GFRAL: variants seen among roughly 807,000 people sequenced by gnomAD.
The protein encoded by GFRAL is GDNF family receptor alpha like.
A neutral mutation model predicts 45.4 loss-of-function variants in GFRAL; 36 were observed. The observed-to-expected ratio is 0.79, with a 90% CI of 0.61 to 1.05. GFRAL has a LOEUF of 1.05. Ranked by LOEUF, GFRAL falls within the 50% of genes least tolerant of loss-of-function variation. The pLI is 0.00. For synonymous variants in GFRAL, 166 were observed against 154.1 expected (o/e 1.08, Z -0.57); for missense variants, 507 against 467.5 (o/e 1.08, Z -0.78).
intron 6 of GFRAL, among the ~76,000 whole-genome samples, chr6:55,366,269 A>G (rs1232839719): frequency 1.3e-5 from 2 of 151,846 alleles, no homozygotes; most frequent in South Asian, 2.1e-4. Flanking sequence ...TTGTATTTCT[A>G]TGGGATCGGT....
At chr6:55,374,965 C>A (rs1047665846) in intron 6 of GFRAL, among the ~76,000 whole-genome samples, 1 of 152,070 alleles carries the variant, frequency 6.6e-6, no homozygotes, top group Non-Finnish European at 1.5e-5. Context: ...GCTCTCTATT[C>A]TCTTCTGTGT....
chr6:55,327,677 G>C (rs1189560588), intron 1 of GFRAL, 101 bp downstream of exon 1: 3 of 1,065,736 alleles, frequency 2.8e-6, no homozygotes, highest in Non-Finnish European at 4.2e-6. Flanking sequence ...CTTATAATAT[G>C]AAGTACCAAG....
chr6:55,383,254 C>T (rs1450755818), intron 6 of GFRAL, among the ~76,000 whole-genome samples: 4 of 149,380 alleles, frequency 2.7e-5, no homozygotes, highest in Non-Finnish European at 2.9e-5. Flanking sequence ...ATAGCAATTA[C>T]CTCTAAGGAT....
At chr6:55,376,233 T>A (rs951807280) in intron 6 of GFRAL, among the ~76,000 whole-genome samples, 5 of 152,254 alleles carry the variant, frequency 3.3e-5, no homozygotes, top group African/African-American at 1.2e-4. Context: ...GGATAAGATT[T>A]TTTTTGTGCT....
intron 6 of GFRAL, among the ~76,000 whole-genome samples, chr6:55,368,315 G>T (rs1220207761): frequency 6.7e-6 from 1 of 148,288 alleles, no homozygotes; most frequent in Non-Finnish European, 1.5e-5. Context: ...GCACTTCTCT[G>T]TATTGGTTAT....
chr6:55,366,355 T>C (rs368890561), intron 6 of GFRAL, among the ~76,000 whole-genome samples: 26,048 of 147,296 alleles, frequency 0.18, 2,638 homozygotes, highest in African/African-American at 0.28. Context: ...GTCTTGCTAG[T>C]GGTCTATCAA....
chr6:55,345,913 T>G (rs1264704234), intron 3 of GFRAL, among the ~76,000 whole-genome samples: 1 of 152,116 alleles, frequency 6.6e-6, no homozygotes, highest in Admixed American at 6.5e-5. Flanking sequence ...AAGAAGACAT[T>G]TATGCAGCCA....
At chr6:55,349,711 G>A (rs77773111) in intron 3 of GFRAL, among the ~76,000 whole-genome samples, 9,426 of 151,616 alleles carry the variant, frequency 0.062, 331 homozygotes, top group South Asian at 0.17. Context: ...CTTCTGAGAA[G>A]GGTTTTTATG....
chr6:55,350,036 CT>C, intron 3 of GFRAL, 55 bp from the exon 4 acceptor site: 1 of 1,070,524 alleles, frequency 9.3e-7, no homozygotes, highest in Non-Finnish European at 1.4e-6. Flanking sequence ...CCACGTTTTC[CT>C]AGGAAATTCA....
At chr6:55,340,816 C>T (rs1432735730) in intron 3 of GFRAL, among the ~76,000 whole-genome samples, 2 of 152,202 alleles carry the variant, frequency 1.3e-5, no homozygotes, top group East Asian at 3.9e-4. Context: ...AATCGGGTCA[C>T]TCTCACCCTA....
chr6:55,346,308 T>C (rs1010243007), intron 3 of GFRAL, among the ~76,000 whole-genome samples: 5 of 152,120 alleles, frequency 3.3e-5, no homozygotes, highest in Admixed American at 6.5e-5. Flanking sequence ...CCATCAATGA[T>C]AGACTTGATT....
chr6:55,372,955 T>C (rs1046753094), intron 6 of GFRAL, among the ~76,000 whole-genome samples: 7 of 152,050 alleles, frequency 4.6e-5, no homozygotes, highest in African/African-American at 7.2e-5. Flanking sequence ...TTAAAAGATG[T>C]GCAAGCTAAA....
At chr6:55,364,335 T>G (rs1165943678) in intron 6 of GFRAL, among the ~76,000 whole-genome samples, 1 of 150,736 alleles carries the variant, frequency 6.6e-6, no homozygotes, top group African/African-American at 2.5e-5. Context: ...ATTCTGGATA[T>G]TAGCCCTTTG....
In GFRAL at chr6:55,332,150, AT is replaced by A. The variant is rs549165976; in HGVS notation, c.157+309del. Among the ~76,000 whole-genome samples the A allele has an allele frequency of 5.6e-4, 85 of 151,884 alleles. 2 individuals are homozygous for A. In the South Asian group the frequency reaches 0.017, roughly 30 times the overall value. On this transcript the variant is annotated intron_variant, in intron 2 of 8. Coordinates refer to ENST00000340465, the MANE Select transcript of GFRAL (RefSeq NM_207410.2). ...GCATTCTTCTGAGAACCATGGCACT[AT>A]TTTTTTTCAAATAAAAGGTTATTTT... is the stretch of plus-strand genomic sequence containing the variant.
intron 3 of GFRAL, among the ~76,000 whole-genome samples, chr6:55,343,015 A>C (rs1767989951): frequency 6.6e-6 from 1 of 152,202 alleles, no homozygotes; most frequent in Non-Finnish European, 1.5e-5. Flanking sequence ...AGGAGCACCC[A>C]GATTCATAAA....
At chr6:55,399,748 CT>C in intron 8 of GFRAL, among the ~76,000 whole-genome samples, 1 of 152,212 alleles carries the variant, frequency 6.6e-6, no homozygotes, top group Middle Eastern at 3.4e-3. Context: ...CCAAATTGAA[CT>C]TTGCTGCATT....
At chr6:55,374,439 G>A (rs1768497291) in intron 6 of GFRAL, among the ~76,000 whole-genome samples, 1 of 152,056 alleles carries the variant, frequency 6.6e-6, no homozygotes, top group Admixed American at 6.6e-5. Flanking sequence ...TTTGAGAAGT[G>A]TCACTCCTTT....
At chr6:55,327,613 C>G in intron 1 of GFRAL, 37 bp downstream of exon 1, 1 of 1,584,520 alleles carries the variant, frequency 6.3e-7, no homozygotes, top group Non-Finnish European at 8.7e-7. Context: ...CTGAATTATT[C>G]ATAATACTAA....
At chr6:55,339,618 A>G (rs1043880669) in intron 3 of GFRAL, among the ~76,000 whole-genome samples, 37 of 152,302 alleles carry the variant, frequency 2.4e-4, no homozygotes, top group South Asian at 2.1e-4. Context: ...TTTGAAGCCA[A>G]TGAAAGAGAG....
Sources: gnomAD v4.1 joint callset for allele counts (sites outside exome capture counted in the v4.1 genomes callset) on GRCh38, gnomAD v4.1.1 for gene constraint, MANE v1.5 for transcripts, NCBI Gene and HGNC (gene_info 2026-07-23, HGNC 2026-07-21) for gene names.